LIPA: variants seen among roughly 807,000 people sequenced by gnomAD.
LIPA encodes lipase A, lysosomal acid type.
A neutral mutation model predicts 40.6 loss-of-function variants in LIPA; 26 were observed. The ratio of observed to expected loss-of-function variants is 0.64; its 90% confidence interval spans 0.47 to 0.89. The LOEUF (loss-of-function observed/expected upper bound fraction) is 0.89, where lower values mean the gene tolerates loss of function less well. LIPA is among the 40% of genes least tolerant of loss of function. LIPA has a pLI of 0.00. For synonymous variants in LIPA, 188 were observed against 168.4 expected (o/e 1.12, Z -0.90); for missense variants, 455 against 479.6 (o/e 0.95, Z 0.48).
chr10:89,228,078 A>T, intron 4 of LIPA, 122 bp downstream of exon 4: 1 of 813,748 alleles, frequency 1.2e-6, no homozygotes, highest in South Asian at 1.4e-5. Context: ...TTCAAAAGAC[A>T]CTAACTTCCC....
At chr10:89,223,925 TG>T (rs1265596664) in intron 6 of LIPA, 95 bp from the exon 7 acceptor site, 1 of 1,279,450 alleles carries the variant, frequency 7.8e-7, no homozygotes, top group Non-Finnish European at 1.1e-6. Flanking sequence ...AAGTACCCAA[TG>T]TCTCCACGAA....
intron 1 of LIPA, among the ~76,000 whole-genome samples, chr10:89,291,586 A>T (rs966004965): frequency 1.3e-5 from 2 of 152,084 alleles, no homozygotes; most frequent in Admixed American, 1.3e-4. Flanking sequence ...GACCACAAGG[A>T]GTCACATACT....
chr10:89,248,747 TG>T (rs924581582), intron 1 of LIPA, among the ~76,000 whole-genome samples: 1 of 151,944 alleles, frequency 6.6e-6, no homozygotes, highest in Non-Finnish European at 1.5e-5. Flanking sequence ...CCCAAAGTGC[TG>T]GGATGACAGG....
At chr10:89,339,169 T>C in intron 1 of LIPA, 1 of 1,614,160 alleles carries the variant, frequency 6.2e-7, no homozygotes, top group Non-Finnish European at 8.5e-7. Flanking sequence ...CAACCCAGAA[T>C]TCTCCTCTGG....
chr10:89,305,842 G>C (rs1349815696), intron 1 of LIPA: 1 of 701,046 alleles, frequency 1.4e-6, no homozygotes, highest in Non-Finnish European at 2.5e-6. Flanking sequence ...AGAAAAGAAG[G>C]GGAGTTTCTT....
intron 1 of LIPA, chr10:89,338,723 A>C: frequency 6.2e-7 from 1 of 1,613,970 alleles, no homozygotes; most frequent in Non-Finnish European, 8.5e-7. Flanking sequence ...TTCACCTGGA[A>C]CTTATTCAAG....
chr10:89,393,585 T>C (rs976048294), intron 2 of LIPA, among the ~76,000 whole-genome samples: 2 of 151,976 alleles, frequency 1.3e-5, no homozygotes, highest in African/African-American at 4.8e-5. Context: ...ATACAAAAAT[T>C]TGGGCATGGT....
intron 2 of LIPA, among the ~76,000 whole-genome samples, chr10:89,377,062 G>A (rs753029607): frequency 2.6e-5 from 4 of 152,162 alleles, no homozygotes; most frequent in Admixed American, 1.3e-4. Context: ...ATCCAGAAAC[G>A]TACAGGATGA....
intron 1 of LIPA, among the ~76,000 whole-genome samples, chr10:89,341,922 G>A (rs763311268): frequency 2.0e-5 from 3 of 152,176 alleles, no homozygotes; most frequent in Non-Finnish European, 1.5e-5. Context: ...TTGCATACGT[G>A]AAAATTGCTG....
chr10:89,413,640 G>A (rs11203115), intron 1 of LIPA, among the ~76,000 whole-genome samples: 38,087 of 151,828 alleles, frequency 0.25, 4,970 homozygotes, highest in Middle Eastern at 0.28. Flanking sequence ...AGTGGTGCAC[G>A]CATATAGTCC....
intron 2 of LIPA, chr10:89,362,487 A>G: frequency 4.9e-6 from 1 of 203,932 alleles, no homozygotes; most frequent in Non-Finnish European, 1.0e-5. Context: ...TGGAAGGGCC[A>G]GAATGAGAAA....
intron 4 of LIPA, 93 bp from the exon 5 acceptor site, chr10:89,227,097 T>A: frequency 1.2e-6 from 1 of 841,402 alleles, no homozygotes; most frequent in Non-Finnish European, 2.0e-6. Flanking sequence ...TATCACAAAC[T>A]AAACACAGCT....
intron 2 of LIPA, among the ~76,000 whole-genome samples, chr10:89,386,170 G>A (rs1344650294): frequency 6.6e-6 from 1 of 152,142 alleles, no homozygotes; most frequent in Non-Finnish European, 1.5e-5. Flanking sequence ...CACCTGAGTA[G>A]CCAAAACCAT....
intron 1 of LIPA, among the ~76,000 whole-genome samples, chr10:89,267,986 A>G (rs910404381): frequency 6.6e-6 from 1 of 152,158 alleles, no homozygotes; most frequent in Non-Finnish European, 1.5e-5. Context: ...TGAGTATGAA[A>G]CTTAAAATAT....
chr10:89,322,433 T>G (rs1469958602), intron 1 of LIPA, among the ~76,000 whole-genome samples: 2 of 151,168 alleles, frequency 1.3e-5, no homozygotes, highest in Non-Finnish European at 2.9e-5. Context: ...CTGTCCGGGC[T>G]CAGCGTGGAT....
At chr10:89,347,427 A>G (rs909485405), upstream of LIPA, among the ~76,000 whole-genome samples, 4 of 152,208 alleles carry the variant, frequency 2.6e-5, no homozygotes, top group Admixed American at 2.0e-4. Context: ...AGCCACCCAT[A>G]TCATTTATAG....
At position 89,228,222 on chromosome 10, in the gene LIPA, G is replaced by A. The variant is rs1842794747; in HGVS notation, c.406C>T (p.Gln136Ter). 2.5e-6 allele frequency: 4 copies of A among 1,613,988 alleles called. No homozygotes were observed. The highest frequency in any genetic ancestry group is 3.4e-6 in the Non-Finnish European group (4 of 1,179,884). Residue 136 changes from glutamine (Q) to a stop codon, truncating the protein, a stop_gained, in exon 4 of 10, where the codon CAG (glutamine) becomes TAG (stop). Coordinates refer to ENST00000336233, the MANE Select transcript of LIPA (RefSeq NM_000235.4). LOFTEE classifies it high-confidence loss of function. Reference protein sequence around the residue: ...SRKHKTLSVSQDEFWAFSYDE... With the variant: ...SRKHKTLSVS Reference sequence around the variant, plus strand: ...TACCTGAAAGCCCAGAATTCATCCTGAGAAACTGAGAGTGTCTTATGTTTC... The same window carrying A: ...TACCTGAAAGCCCAGAATTCATCCTAAGAAACTGAGAGTGTCTTATGTTTC...
intron 1 of LIPA, among the ~76,000 whole-genome samples, chr10:89,248,775 C>T (rs1397601801): frequency 2.0e-5 from 3 of 152,078 alleles, no homozygotes; most frequent in African/African-American, 4.8e-5. Flanking sequence ...CCACCGCGCC[C>T]GGCCCAAAGG....
At position 89,384,515 on chromosome 10, in the gene LIPA, AT is replaced by A. The variant is rs1844190271; in HGVS notation, c.61+28275del. ...AAATCTCAAGATAAAGCAATTACCC[AT>A]TATTTAAAAGGTTTGAAAATAGAAA... is the stretch of plus-strand genomic sequence containing the variant. On this transcript the variant is annotated intron_variant, in intron 2 of 8. Transcript: ENST00000371837. 6.2e-6 allele frequency: 10 copies of A among 1,614,012 alleles called. No individual in the cohort carries two copies. The East Asian group carries it at 2.2e-4, about 36-fold the overall frequency.
Sources: gnomAD v4.1 joint callset for allele counts (sites outside exome capture counted in the v4.1 genomes callset) on GRCh38, gnomAD v4.1.1 for gene constraint, MANE v1.5 for transcripts, NCBI Gene and HGNC (gene_info 2026-07-23, HGNC 2026-07-21) for gene names.